NEDD4: variants seen among roughly 807,000 people sequenced by gnomAD.
NEDD4 encodes E3 ubiquitin-protein ligase NEDD4.
In NEDD4, 99 loss-of-function variants were observed where a neutral mutation model predicts 144.9. The observed-to-expected ratio is 0.68, with a 90% CI of 0.58 to 0.81. NEDD4 has a LOEUF of 0.81. NEDD4 is among the 30% of genes least tolerant of loss of function. The probability of loss-of-function intolerance (pLI) is 0.00; values close to 1 mark genes in which losing one functional copy is unlikely to be tolerated. For missense variants in NEDD4, 985 were observed against 1,065.9 expected (o/e 0.92, Z 1.06); for synonymous variants, 318 against 350.6 (o/e 0.91, Z 1.04).
chr15:55,986,928 G>C lies in NEDD4; in HGVS notation c.45+6583C>G, dbSNP rs115847759. On this transcript the variant is annotated intron_variant, in intron 1 of 28. Coordinates refer to ENST00000435532, the MANE Select transcript of NEDD4 (RefSeq NM_006154.4). ...TCCTTCTTAAAACTGTCTAGGATAA[G>C]AAAAACTGTGCATGTGTCTTTATAG... Among the ~76,000 whole-genome samples the C allele has an allele frequency of 8.4e-3, 1,278 of 152,262 alleles. 19 individuals carry two copies. Among genetic ancestry groups the C allele is most frequent in the African/African-American group, 0.029 (1,219 of 41,558 alleles).
intron 5 of NEDD4, chr15:55,917,168 T>C: frequency 3.8e-6 from 4 of 1,050,976 alleles, no homozygotes; most frequent in East Asian, 1.4e-4. Context: ...GTTTCAATTA[T>C]ACCTTCTCCA....
At chr15:55,868,127 A>T (rs1192560839) in intron 8 of NEDD4, among the ~76,000 whole-genome samples, 5 of 151,700 alleles carry the variant, frequency 3.3e-5, no homozygotes, top group Non-Finnish European at 7.4e-5. Flanking sequence ...TCATTAGTGC[A>T]TTTAAAATTT....
chr15:55,837,756 A>G, intron 24 of NEDD4, 33 bp downstream of exon 24: 1 of 1,547,366 alleles, frequency 6.5e-7, no homozygotes, highest in Non-Finnish European at 8.9e-7. Flanking sequence ...ATACTGTGAC[A>G]TTATGGAAGA....
At chr15:55,852,969 C>T (rs1199686136) in intron 12 of NEDD4, among the ~76,000 whole-genome samples, 8 of 151,740 alleles carry the variant, frequency 5.3e-5, no homozygotes, top group African/African-American at 1.2e-4. Flanking sequence ...AGGCTGGTCT[C>T]GAACTCCTAA....
Position 55,829,912 on chromosome 15 carries a change from A to G in NEDD4, c.2688T>C (p.Phe896=), listed in dbSNP as rs748479398. 4 of 1,612,702 alleles carry G rather than the reference A, an allele frequency of 2.5e-6. No individual in the cohort carries two copies. Among genetic ancestry groups the G allele is most frequent in the Non-Finnish European group, 2.5e-6 (3 of 1,179,126 alleles). The change falls in exon 29 of 29, where the codon TTT becomes TTC. Residue 896 remains phenylalanine, a synonymous_variant. Coordinates refer to ENST00000435532, the MANE Select transcript of NEDD4 (RefSeq NM_006154.4). Reference sequence around the variant, plus strand: ...TATTTGTAATCTAATCAACTCCATCAAAGCCCTGGGTGTTTTCAATTGCCA... The same window carrying G: ...TATTTGTAATCTAATCAACTCCATCGAAGCCCTGGGTGTTTTCAATTGCCA... ...LQMAIENTQG[F]DGVD
intron 5 of NEDD4, chr15:55,916,256 A>G (rs780147205): frequency 3.7e-6 from 6 of 1,614,078 alleles, no homozygotes; most frequent in Non-Finnish European, 5.1e-6. Context: ...GTGGAAAAGT[A>G]TAACTACTAC....
At chr15:55,846,552 T>C (rs1165974764) in intron 18 of NEDD4, among the ~76,000 whole-genome samples, 1 of 152,116 alleles carries the variant, frequency 6.6e-6, no homozygotes, top group Non-Finnish European at 1.5e-5. Context: ...TTTGAAGCCG[T>C]AGAGAATGAA....
intron 13 of NEDD4, 78 bp from the exon 14 acceptor site, chr15:55,850,820 A>C: frequency 7.7e-7 from 1 of 1,290,492 alleles, no homozygotes; most frequent in African/African-American, 1.5e-5. Flanking sequence ...AGGTAACTTA[A>C]CCTGCAAATA....
intron 5 of NEDD4, among the ~76,000 whole-genome samples, chr15:55,911,520 T>C (rs1407267312): frequency 6.6e-6 from 1 of 152,032 alleles, no homozygotes; most frequent in Non-Finnish European, 1.5e-5. Flanking sequence ...CATCACATAT[T>C]AGACTGAAAA....
chr15:55,871,139 C>T (rs1912406), intron 7 of NEDD4, among the ~76,000 whole-genome samples: 109,538 of 152,060 alleles, frequency 0.72, 39,985 homozygotes, highest in Non-Finnish European at 0.8. Flanking sequence ...GATGCTTATT[C>T]CCAAGGCCGC....
chr15:55,919,077 T>C (rs1249390728), intron 5 of NEDD4, among the ~76,000 whole-genome samples: 1 of 152,188 alleles, frequency 6.6e-6, no homozygotes, highest in Non-Finnish European at 1.5e-5. Flanking sequence ...ATGTCTTCTC[T>C]TTGGTAAGCT....
chr15:55,943,335 A>C (rs1248223666), intron 4 of NEDD4, among the ~76,000 whole-genome samples: 3 of 152,170 alleles, frequency 2.0e-5, no homozygotes, highest in Non-Finnish European at 2.9e-5. Flanking sequence ...TGCATTTTAG[A>C]GATCTTTGTG....
intron 4 of NEDD4, among the ~76,000 whole-genome samples, chr15:55,932,913 T>G (rs558141748): frequency 6.6e-6 from 1 of 152,154 alleles, no homozygotes; most frequent in South Asian, 2.1e-4. Flanking sequence ...AAAAGACACA[T>G]GAAAAAATGC....
intron 18 of NEDD4, among the ~76,000 whole-genome samples, chr15:55,846,291 G>A (rs1445884841): frequency 6.6e-6 from 1 of 152,124 alleles, no homozygotes; most frequent in Non-Finnish European, 1.5e-5. Context: ...AACCCAATAT[G>A]GCCACCTAGT....
At chr15:55,916,825 G>A in intron 5 of NEDD4, 1 of 1,592,940 alleles carries the variant, frequency 6.3e-7, no homozygotes, top group Non-Finnish European at 8.6e-7. Context: ...CGTAAGCTTT[G>A]TGCCATTTGT....
intron 5 of NEDD4, among the ~76,000 whole-genome samples, chr15:55,919,340 T>C (rs901043848): frequency 2.2e-4 from 34 of 152,058 alleles, no homozygotes; most frequent in African/African-American, 8.2e-4. Context: ...TAAAGAAATA[T>C]CAAAAAGCAC....
chr15:55,924,219 G>C (rs1472831322), intron 5 of NEDD4: 1 of 157,850 alleles, frequency 6.3e-6, no homozygotes, highest in African/African-American at 2.4e-5. Context: ...GTGGGGATGA[G>C]AGAGTGGATA....
At chr15:55,834,011 G>A (rs2033078731) in intron 26 of NEDD4, 27 bp downstream of exon 26, 2 of 1,499,884 alleles carry the variant, frequency 1.3e-6, no homozygotes, top group Admixed American at 3.5e-5. Flanking sequence ...CAAAAAGTAA[G>A]TTATGAAAAT....
chr15:55,973,612 A>G (rs1234085949), intron 1 of NEDD4, among the ~76,000 whole-genome samples: 8 of 150,214 alleles, frequency 5.3e-5, no homozygotes, highest in Non-Finnish European at 1.0e-4. Context: ...ACTAGAAATC[A>G]ATAACAAGAG....
Sources: gnomAD v4.1 joint callset for allele counts (sites outside exome capture counted in the v4.1 genomes callset) on GRCh38, gnomAD v4.1.1 for gene constraint, MANE v1.5 for transcripts, NCBI Gene and HGNC (gene_info 2026-07-23, HGNC 2026-07-21) for gene names.